MX1: variants seen among roughly 807,000 people sequenced by gnomAD.
MX1 encodes MX dynamin like GTPase 1.
Under a neutral mutation model 66.4 loss-of-function variants are expected in MX1, and 66 were observed. The observed-to-expected ratio is 0.99, with a 90% CI of 0.82 to 1.22. The LOEUF (loss-of-function observed/expected upper bound fraction) is 1.22, where lower values mean the gene tolerates loss of function less well. Among genes scored for constraint, MX1 ranks in the 50% most tolerant of loss-of-function variants. The pLI is 0.00. For missense variants in MX1, 787 were observed against 834.3 expected (o/e 0.94, Z 0.70); for synonymous variants, 311 against 318.1 (o/e 0.98, Z 0.24).
rs780437585 is a variant in MX1, at chr21:41,441,775, G to T, written c.790G>T (p.Val264Leu). 6.2e-7 allele frequency: 1 copy of T among 1,614,202 alleles called. No homozygotes were observed. ...AACTGAAGACAAGGTTGTGGACGTG[G>T]TGCGGAACCTCGTGTTCCACCTGAA... is the stretch of plus-strand genomic sequence containing the variant. The part of the protein sequence containing the change: ...KGTEDKVVDV[V>L]RNLVFHLKKG... The change falls in exon 10 of 17, where the codon GTG (valine) becomes TTG (leucine). Residue 264 changes from valine to leucine, a missense_variant. Physicochemically the swap from Val to Leu is conservative, Grantham distance 32 (BLOSUM62 1). Coordinates refer to ENST00000398598, the MANE Select transcript of MX1 (RefSeq NM_002462.5). The surrounding 1 kb of genome is among the most constrained non-coding windows in gnomAD (Gnocchi z 4.0).
chr21:41,458,700 A>C lies in MX1; in HGVS notation c.1931A>C (p.Lys644Thr). The change falls in exon 17 of 17, where the codon AAG becomes ACG. Residue 644 changes from lysine to threonine, a missense_variant. Physicochemically the swap from Lys to Thr is moderately conservative, Grantham distance 78 (BLOSUM62 -1). Coordinates refer to ENST00000398598, the MANE Select transcript of MX1 (RefSeq NM_002462.5). ...SDTSDKRKFL[K>T]ERLARLTQAR... ...ACCAGCGACAAGCGGAAGTTCCTGAAGGAGCGGCTTGCACGGCTGACGCAG... is the reference window on the plus strand; with the variant it reads ...ACCAGCGACAAGCGGAAGTTCCTGACGGAGCGGCTTGCACGGCTGACGCAG... 3 of 1,614,172 alleles carry C rather than the reference A, an allele frequency of 1.9e-6. No homozygotes were observed. In the South Asian group the frequency reaches 3.3e-5, roughly 18 times the overall value.
chr21:41,452,755 G>A lies in MX1; in HGVS notation c.1644G>A (p.Lys548=). The change falls in exon 16 of 17, where the codon AAG becomes AAA. Residue 548 remains lysine, a synonymous_variant. Coordinates refer to ENST00000398598, the MANE Select transcript of MX1 (RefSeq NM_002462.5). ...YRGALQKVRE[K]ELEEEKKKKS... is the part of the protein sequence containing the mutation. ...GTGCATTGCAGAAGGTCAGAGAGAAGGAGCTGGAAGAAGAAAAGAAGAAGA... is the reference window on the plus strand; with the variant it reads ...GTGCATTGCAGAAGGTCAGAGAGAAAGAGCTGGAAGAAGAAAAGAAGAAGA... The A allele has an allele frequency of 2.5e-6, 4 of 1,614,212 alleles. No homozygotes were observed. Among genetic ancestry groups the A allele is most frequent in the African/African-American group, 1.3e-5 (1 of 75,042 alleles).
intron 16 of MX1, among the ~76,000 whole-genome samples, chr21:41,453,091 A>G (rs1054257988): frequency 6.6e-6 from 1 of 152,170 alleles, no homozygotes; most frequent in Non-Finnish European, 1.5e-5. Context: ...ACAGTTCCAC[A>G]TGGCTGGGGA....
intron 1 of MX1, 152 bp from the exon 2 acceptor site, chr21:41,427,054 A>T (rs2090083903): frequency 6.6e-6 from 1 of 152,332 alleles, no homozygotes. Context: ...GGTGCTGCCG[A>T]GCTGGGCAAT....
At position 41,430,624 on chromosome 21, in the gene MX1, C is replaced by A. The variant is rs188969166; in HGVS notation, c.-22+16C>A. On this transcript the variant is annotated intron_variant, in intron 4 of 16. Coordinates refer to ENST00000398598, the MANE Select transcript of MX1 (RefSeq NM_002462.5). ...TATATTAGAGGTAAGTTGGTGCATGCTATTTTCTGTAACATTTATTTTGAG... is the reference window on the plus strand; with the variant it reads ...TATATTAGAGGTAAGTTGGTGCATGATATTTTCTGTAACATTTATTTTGAG... The A allele has an allele frequency of 6.6e-6, 1 of 152,112 alleles. No individual in the cohort carries two copies. Among genetic ancestry groups the A allele is most frequent in the Non-Finnish European group, 1.5e-5 (1 of 68,014 alleles). 9.4% of individuals were successfully genotyped at this position (152,112 alleles called of 1,614,324 possible).
intron 16 of MX1, among the ~76,000 whole-genome samples, chr21:41,454,052 G>A (rs938512817): frequency 6.6e-6 from 1 of 152,214 alleles, no homozygotes; most frequent in East Asian, 1.9e-4. Flanking sequence ...GGCCTAGAAG[G>A]GGAGAGGTCT....
At position 41,440,903 on chromosome 21, in the gene MX1, A is replaced by G; in HGVS notation, c.608A>G (p.Lys203Arg). ...DIGYKIKTLI[K>R]KYIQRQETIS... ...TCCTTACAGATCAAGACACTCATCA[A>G]GAAGTACATCCAGAGGCAGGAGACA... is the stretch of plus-strand genomic sequence containing the variant. Residue 203 changes from lysine (K) to arginine (R), a missense_variant, in exon 9 of 17, where the codon AAG (lysine) becomes AGG (arginine). Coordinates refer to ENST00000398598, the MANE Select transcript of MX1 (RefSeq NM_002462.5). The G allele has an allele frequency of 1.2e-6, 2 of 1,614,228 alleles. No individual in the cohort carries two copies. Among genetic ancestry groups the G allele is most frequent in the Non-Finnish European group, 1.7e-6 (2 of 1,180,028 alleles).
At position 41,431,846 on chromosome 21, in the gene MX1, T is replaced by A. The variant is rs1357136748; in HGVS notation, c.-21-204T>A. Reference sequence around the variant, plus strand: ...TTTATCTGACCTTGGCTTCTTTGGGTCACTCTGTTTCTCTTTCCGTGAATA... The same window carrying A: ...TTTATCTGACCTTGGCTTCTTTGGGACACTCTGTTTCTCTTTCCGTGAATA... On this transcript the variant is annotated intron_variant, in intron 4 of 16. Transcript: ENST00000398598. 7.9e-6 allele frequency: 4 copies of A among 506,884 alleles called. No homozygotes were observed. In the East Asian group the frequency reaches 1.4e-4, roughly 18 times the overall value. The allele number at this position is 506,884 out of a possible 1,614,324, so 31.4% of individuals were successfully genotyped here. A position where few individuals can be genotyped will look rare whatever the true frequency, so the allele number is the denominator to read the frequency against.
In MX1 at chr21:41,458,970, C is replaced by T. The variant is rs2091023991; in HGVS notation, c.*212C>T. Reference sequence around the variant, plus strand: ...CCACCCTCAGATGCACATGAGCTGGCGGGATTGAAGGATGCTGTCTTCGTA... The same window carrying T: ...CCACCCTCAGATGCACATGAGCTGGTGGGATTGAAGGATGCTGTCTTCGTA... On this transcript the variant is annotated 3_prime_UTR_variant, in exon 17 of 17. Transcript: ENST00000398598. 7.2e-6 allele frequency: 6 copies of T among 838,476 alleles called. No homozygotes were observed. In the East Asian group the frequency reaches 8.2e-5, roughly 11 times the overall value. 51.9% of individuals were successfully genotyped at this position (838,476 alleles called of 1,614,324 possible).
rs1266916900 is a variant in MX1, at chr21:41,451,255, C to T, written c.1509+12C>T. 1.9e-6 allele frequency: 3 copies of T among 1,538,496 alleles called. No individual in the cohort carries two copies. Among genetic ancestry groups the T allele is most frequent in the East Asian group, 2.3e-5 (1 of 44,438 alleles). ...ACAGAACCGCCAAGGTAAAACCAAC[C>T]ATGTGTTGTTTAAAAAAAAAAAAGA... On this transcript the variant is annotated intron_variant, in intron 15 of 16. Coordinates refer to ENST00000398598, the MANE Select transcript of MX1 (RefSeq NM_002462.5).
At position 41,458,682 on chromosome 21, in the gene MX1, A is replaced by G; in HGVS notation, c.1913A>G (p.Asp638Gly). The change falls in exon 17 of 17, where the codon GAC becomes GGC. Residue 638 changes from aspartate to glycine, a missense_variant. Coordinates refer to ENST00000398598, the MANE Select transcript of MX1 (RefSeq NM_002462.5). ...WLLKERSDTS[D>G]KRKFLKERLA... ...CTGAAGGAGCGGAGCGACACCAGCG[A>G]CAAGCGGAAGTTCCTGAAGGAGCGG... 6.2e-7 allele frequency: 1 copy of G among 1,614,232 alleles called. No homozygotes were observed. Among genetic ancestry groups the G allele is most frequent in the East Asian group, 2.2e-5 (1 of 44,876 alleles).
At chr21:41,433,116 A>T (rs982099241) in intron 5 of MX1, among the ~76,000 whole-genome samples, 13 of 152,210 alleles carry the variant, frequency 8.5e-5, no homozygotes, top group Admixed American at 3.3e-4. Context: ...GTGATCTGGC[A>T]GTTCCACTTC....
Position 41,432,124 on chromosome 21 carries a change from C to G in MX1, c.54C>G (p.His18Gln), listed in dbSNP as rs1434825582. The change falls in exon 5 of 17, where the codon CAC becomes CAG. Residue 18 changes from histidine (H) to glutamine (Q), a missense_variant. Coordinates refer to ENST00000398598, the MANE Select transcript of MX1 (RefSeq NM_002462.5). Reference protein sequence around the residue: ...IAKADPAAASHPLLLNGDATV... With the variant: ...IAKADPAAASQPLLLNGDATV... Reference sequence around the variant, plus strand: ...AAGCTGATCCAGCTGCTGCATCCCACCCTCTATTACTGAATGGAGATGCTA... The same window carrying G: ...AAGCTGATCCAGCTGCTGCATCCCAGCCTCTATTACTGAATGGAGATGCTA... 6.2e-7 allele frequency: 1 copy of G among 1,614,182 alleles called. No homozygotes were observed. Among genetic ancestry groups the G allele is most frequent in the Non-Finnish European group, 8.5e-7 (1 of 1,180,038 alleles).
At position 41,446,100 on chromosome 21, in the gene MX1, T is replaced by G. The variant is rs2090656872; in HGVS notation, c.1232T>G (p.Phe411Cys). The change falls in exon 13 of 17, where the codon TTC becomes TGC. Residue 411 changes from phenylalanine (F) to cysteine (C), a missense_variant. Physicochemically the swap from Phe to Cys is radical, Grantham distance 205. Transcript: ENST00000398598. ...IRLFTRLRHE[F>C]HKWSTIIENN... ...CTGTTTACCAGACTCCGACACGAGT[T>G]CCACAAATGGAGTACAATAATTGAA... 1 of 1,614,158 alleles carries G rather than the reference T, an allele frequency of 6.2e-7. No homozygotes were observed. The highest frequency in any genetic ancestry group is 8.5e-7 in the Non-Finnish European group (1 of 1,180,012).
upstream of MX1, among the ~76,000 whole-genome samples, chr21:41,424,085 T>C (rs2090019703): frequency 6.6e-6 from 1 of 152,142 alleles, no homozygotes; most frequent in Non-Finnish European, 1.5e-5. Flanking sequence ...TTCACATGAG[T>C]GCCAGCTCTG....
In MX1 at chr21:41,437,003, G is replaced by C; in HGVS notation, c.299-12G>C. The C allele has an allele frequency of 6.2e-7, 1 of 1,613,542 alleles. No individual in the cohort carries two copies. The highest frequency in any genetic ancestry group is 8.5e-7 in the Non-Finnish European group (1 of 1,179,742). ...AGCAAAGTGGAGCACTGATGTGGGC[G>C]TGGCCTCCTAGGGATCGTGACCAGA... On this transcript the variant is annotated splice_polypyrimidine_tract_variant and intron_variant, in intron 6 of 16. Transcript: ENST00000398598.
chr21:41,436,925 T>C, intron 6 of MX1, 90 bp from the exon 7 acceptor site: 2 of 1,480,124 alleles, frequency 1.4e-6, no homozygotes, highest in South Asian at 1.3e-5. Flanking sequence ...CCCCATATGA[T>C]TGTATAAAAG....
At chr21:41,439,901 G>A (rs2090460539) in intron 8 of MX1, 53 bp downstream of exon 8, 3 of 1,460,236 alleles carry the variant, frequency 2.1e-6, no homozygotes, top group Non-Finnish European at 2.8e-6. Context: ...ATGGGGGAGT[G>A]GAGGGGTGGG....
At position 41,458,966 on chromosome 21, in the gene MX1, C is replaced by A; in HGVS notation, c.*208C>A. ...AGCCCCACCCTCAGATGCACATGAG[C>A]TGGCGGGATTGAAGGATGCTGTCTT... is the stretch of plus-strand genomic sequence containing the variant. On this transcript the variant is annotated 3_prime_UTR_variant, in exon 17 of 17. Transcript: ENST00000398598. 1 of 864,140 alleles carries A rather than the reference C, an allele frequency of 1.2e-6. No individual in the cohort carries two copies. The highest frequency in any genetic ancestry group is 1.7e-6 in the Non-Finnish European group (1 of 583,288). 53.5% of individuals were successfully genotyped at this position (864,140 alleles called of 1,614,324 possible). A position where few individuals can be genotyped will look rare whatever the true frequency, so the allele number is the denominator to read the frequency against.
Sources: allele counts gnomAD v4.1 joint callset (sites outside exome capture counted in the v4.1 genomes callset), GRCh38; gene constraint gnomAD v4.1.1; non-coding constraint Gnocchi (gnomAD v3.1); transcripts MANE v1.5; gene names NCBI Gene and HGNC (gene_info 2026-07-23, HGNC 2026-07-21).